GET4: variants seen among roughly 807,000 people sequenced by gnomAD.
The protein encoded by GET4 is guided entry of tail-anchored proteins factor 4, also known as Golgi to ER traffic protein 4 homolog.
In GET4, 20 loss-of-function variants were observed where a neutral mutation model predicts 40.0. The ratio of observed to expected loss-of-function variants is 0.50; its 90% confidence interval spans 0.35 to 0.73. The LOEUF (loss-of-function observed/expected upper bound fraction) is 0.73, where lower values mean the gene tolerates loss of function less well. Among genes scored for constraint, GET4 ranks in the 30% least tolerant of loss-of-function variants. GET4 has a pLI of 0.01. For synonymous variants in GET4, 280 were observed against 194.6 expected, an observed-to-expected ratio of 1.44 and a Z score of -3.65; for missense variants, 557 against 454.0, an observed-to-expected ratio of 1.23 and a Z score of -2.06.
Position 895,403 on chromosome 7 carries a change from G to A in GET4, c.965G>A (p.Ser322Asn), listed in dbSNP as rs758012231. The change falls in exon 9 of 9, where the codon AGC becomes AAC. Residue 322 changes from serine (S) to asparagine (N), a missense_variant. Coordinates refer to ENST00000265857, the MANE Select transcript of GET4 (RefSeq NM_015949.3). ...EDGEESPSDG[S>N]PIELD ...GGGGAGGAGAGCCCCAGCGACGGCAGCCCCATCGAGCTGGACTGAACTGGC... is the reference window on the plus strand; with the variant it reads ...GGGGAGGAGAGCCCCAGCGACGGCAACCCCATCGAGCTGGACTGAACTGGC... 1.9e-6 allele frequency: 3 copies of A among 1,581,904 alleles called. No individual in the cohort carries two copies. Among genetic ancestry groups the A allele is most frequent in the South Asian group, 2.2e-5 (2 of 89,988 alleles).
In GET4 at chr7:892,324, A is replaced by T; in HGVS notation, c.652A>T (p.Thr218Ser). ...NKSSASVVFT[T>S]YTQKHPSIED... Reference sequence around the variant, plus strand: ...AAGTAGCGCATCGGTGGTCTTCACGACGTACACCCAGAAGCACCCGTCCAT... The same window carrying T: ...AAGTAGCGCATCGGTGGTCTTCACGTCGTACACCCAGAAGCACCCGTCCAT... The change falls in exon 6 of 9, where the codon ACG becomes TCG. Residue 218 changes from threonine to serine, a missense_variant. Physicochemically the swap from Thr to Ser is moderately conservative, Grantham distance 58. Transcript: ENST00000265857. 3.8e-6 allele frequency: 6 copies of T among 1,595,702 alleles called. No individual in the cohort carries two copies. Among genetic ancestry groups the T allele is most frequent in the Non-Finnish European group, 5.2e-6 (6 of 1,164,496 alleles).
intron 1 of GET4, chr7:883,630 C>T (rs1844129158): frequency 1.0e-6 from 1 of 985,372 alleles, no homozygotes; most frequent in Non-Finnish European, 1.2e-6. Context: ...GAAGGCACGT[C>T]TGGGTGTCCA....
chr7:884,276 T>C, intron 1 of GET4: 1 of 1,304,042 alleles, frequency 7.7e-7, no homozygotes, highest in Non-Finnish European at 1.0e-6. Context: ...TTTTCCAGAG[T>C]GCCCTGTGCC....
chr7:895,110 G>A (rs577902619), intron 8 of GET4, among the ~76,000 whole-genome samples: 1 of 151,964 alleles, frequency 6.6e-6, no homozygotes, highest in Admixed American at 6.5e-5. Context: ...GTTCTGTGGA[G>A]TCCCCCGTGG....
chr7:895,259 GT>G, intron 8 of GET4, 74 bp from the exon 9 acceptor site: 1 of 722,188 alleles, frequency 1.4e-6, no homozygotes, highest in Non-Finnish European at 2.4e-6. Flanking sequence ...CTTGTGAGAC[GT>G]TTGTGGGAAG....
chr7:891,949 TGGTGCGGGCCAGCGCCTGACC>T (rs749027087), intron 5 of GET4, among the ~76,000 whole-genome samples: 32 of 152,274 alleles, frequency 2.1e-4, no homozygotes, highest in Middle Eastern at 6.3e-3. Context: ...CGGAGTGTTC[TGGTGCGGGCCAGCGCCTGACC>T]GGTGCGGGCG....
chr7:887,159 C>T (rs1291327967), intron 3 of GET4: 7 of 716,244 alleles, frequency 9.8e-6, no homozygotes, highest in Admixed American at 6.0e-5. Flanking sequence ...CCAGGGCGTC[C>T]GTCCTTCCTT....
chr7:886,564 T>C lies in GET4; in HGVS notation c.235-5T>C, dbSNP rs909655410. On this transcript the variant is annotated splice_region_variant and splice_polypyrimidine_tract_variant and intron_variant, in intron 2 of 8. Coordinates refer to ENST00000265857, the MANE Select transcript of GET4 (RefSeq NM_015949.3). ...TTGATTCTTGTGTGTTGCTTTCTCTTGTAGCAAAACAGTGCAGCAGACTTG... is the reference window on the plus strand; with the variant it reads ...TTGATTCTTGTGTGTTGCTTTCTCTCGTAGCAAAACAGTGCAGCAGACTTG... 1.2e-6 allele frequency: 2 copies of C among 1,606,866 alleles called. No homozygotes were observed. The highest frequency in any genetic ancestry group is 2.7e-5 in the African/African-American group (2 of 74,902).
At chr7:877,417 C>G (rs1217930000) in intron 1 of GET4, among the ~76,000 whole-genome samples, 1 of 123,564 alleles carries the variant, frequency 8.1e-6, no homozygotes, top group Non-Finnish European at 1.7e-5. Flanking sequence ...TCTCTCTCCC[C>G]GGCCTCCCCC....
intron 1 of GET4, among the ~76,000 whole-genome samples, chr7:878,671 C>T (rs1844019421): frequency 6.6e-6 from 1 of 150,994 alleles, no homozygotes; most frequent in Non-Finnish European, 1.5e-5. Flanking sequence ...CTCCACCTCC[C>T]GAGTTCAAGC....
chr7:881,350 C>G (rs1384684957), intron 1 of GET4: 2 of 152,192 alleles, frequency 1.3e-5, no homozygotes, highest in African/African-American at 4.8e-5. Context: ...CCACCCCACC[C>G]CACCCCATCC....
intron 1 of GET4, chr7:884,320 T>TC (rs1330749333): frequency 7.7e-7 from 1 of 1,303,892 alleles, no homozygotes; most frequent in African/African-American, 1.5e-5. Context: ...GTCAGTCATG[T>TC]CCCTGCAGGA....
intron 6 of GET4, among the ~76,000 whole-genome samples, chr7:892,985 G>A (rs1006111325): frequency 6.6e-6 from 1 of 151,350 alleles, no homozygotes; most frequent in African/African-American, 2.4e-5. Flanking sequence ...TTGCAGGTAA[G>A]TGTTGGGGGC....
At chr7:883,003 CCTT>C (rs1844118184) in intron 1 of GET4, 1 of 152,312 alleles carries the variant, frequency 6.6e-6, no homozygotes, top group Non-Finnish European at 1.5e-5. Flanking sequence ...CGGCCTCTGA[CCTT>C]CTTTTGTCTC....
rs750918390 is a variant in GET4 at position 891,016 on chromosome 7, C to T, written c.555C>T (p.Ser185=). The change falls in exon 5 of 9, where the codon TCC becomes TCT. Residue 185 remains serine (S), a synonymous_variant. Coordinates refer to ENST00000265857, the MANE Select transcript of GET4 (RefSeq NM_015949.3). ...CANMLVEYST[S]RGFRSEVDMF... ...ACATGCTGGTGGAGTATTCCACGTC[C>T]CGCGGCTTCCGCAGCGAGGTGGACA... 4.3e-5 allele frequency: 70 copies of T among 1,610,904 alleles called. No homozygotes were observed. The highest frequency in any genetic ancestry group is 5.6e-5 in the Non-Finnish European group (66 of 1,177,616).
At chr7:893,220 TTGGGCG>T (rs1046867093) in intron 6 of GET4, among the ~76,000 whole-genome samples, 1 of 121,834 alleles carries the variant, frequency 8.2e-6, no homozygotes, top group Admixed American at 8.5e-5. Context: ...CAGGTGAGTG[TTGGGCG>T]TGGGCGTGGT....
intron 1 of GET4, among the ~76,000 whole-genome samples, chr7:877,398 C>T (rs1459904706): frequency 8.7e-6 from 1 of 115,192 alleles, no homozygotes; most frequent in Admixed American, 8.5e-5. Flanking sequence ...TCCCCCTGCT[C>T]CCTCCGTCTC....
chr7:887,331 G>A (rs1348640187), intron 3 of GET4, 39 bp from the exon 4 acceptor site: 5 of 1,560,176 alleles, frequency 3.2e-6, no homozygotes, highest in South Asian at 1.2e-5. Context: ...AGCCGGAGTG[G>A]CCGTGCGTTC....
intron 6 of GET4, among the ~76,000 whole-genome samples, chr7:892,903 T>G (rs936885788): frequency 6.7e-6 from 1 of 149,836 alleles, no homozygotes; most frequent in African/African-American, 2.5e-5. Flanking sequence ...TGGGTAGCTG[T>G]GGGGGTGTGC....
Sources: allele counts gnomAD v4.1 joint callset (sites outside exome capture counted in the v4.1 genomes callset), GRCh38; gene constraint gnomAD v4.1.1; transcripts MANE v1.5; gene names NCBI Gene and HGNC (gene_info 2026-07-23, HGNC 2026-07-21).